The following WRN variants were observed in gnomAD, a reference collection of about 807,000 sequenced individuals.
The protein encoded by WRN is bifunctional 3'-5' exonuclease/ATP-dependent helicase WRN.
In WRN, 149 loss-of-function variants were observed where a neutral mutation model predicts 180.7. That is an observed-to-expected ratio of 0.82 (90% CI 0.72 to 0.94). WRN has a LOEUF of 0.94. Among genes scored for constraint, WRN ranks in the 40% least tolerant of loss-of-function variants. WRN has a pLI of 0.00. For synonymous variants in WRN, 548 were observed against 568.9 expected, an observed-to-expected ratio of 0.96 and a Z score of 0.52; for missense variants, 1,661 against 1,700.1, an observed-to-expected ratio of 0.98 and a Z score of 0.40.
intron 1 of WRN, among the ~76,000 whole-genome samples, chr8:31,056,434 C>T (rs1329897096): frequency 6.6e-6 from 1 of 152,102 alleles, no homozygotes; most frequent in Non-Finnish European, 1.5e-5. Flanking sequence ...AAATGCTTTA[C>T]AATTAATAAA....
intron 5 of WRN, among the ~76,000 whole-genome samples, chr8:31,066,240 C>T (rs1812696217): frequency 6.6e-6 from 1 of 151,436 alleles, no homozygotes; most frequent in Admixed American, 6.6e-5. Context: ...GGCTGGAGTG[C>T]AGTGGTGCAA....
rs377655975 is a variant in WRN, at chr8:31,100,827, A to G, written c.1982-22A>G. ...CCTTTCGAGCTTTATCTTTTCCTTT[A>G]TGTGTTTTTCTTTTTTTACAGGTAT... On this transcript the variant is annotated intron_variant, in intron 17 of 34. Coordinates refer to ENST00000298139, the MANE Select transcript of WRN (RefSeq NM_000553.6). 43 of 1,473,832 alleles carry G rather than the reference A, an allele frequency of 2.9e-5. 1 individual carries two copies. In the South Asian group the frequency reaches 4.6e-4, roughly 16 times the overall value. 91.3% of individuals were successfully genotyped at this position (1,473,832 alleles called of 1,614,324 possible).
chr8:31,114,976 G>C (rs546434033), intron 19 of WRN, among the ~76,000 whole-genome samples: 1 of 149,804 alleles, frequency 6.7e-6, no homozygotes, highest in Non-Finnish European at 1.5e-5. Context: ...GCTCGTTGCA[G>C]CCTCTGCCTC....
intron 16 of WRN, 94 bp from the exon 17 acceptor site, chr8:31,096,674 G>T: frequency 9.8e-7 from 1 of 1,021,952 alleles, no homozygotes; most frequent in Non-Finnish European, 1.4e-6. Context: ...TTGATTTTAA[G>T]TTGTAATTCC....
At chr8:31,166,872 C>G (rs901945722) in intron 33 of WRN, 150 bp from the exon 34 acceptor site, 1 of 720,568 alleles carries the variant, frequency 1.4e-6, no homozygotes, top group Non-Finnish European at 2.2e-6. Flanking sequence ...ATTTCCATTC[C>G]GTAAGGCTAT....
chr8:31,144,189 T>C lies in WRN; in HGVS notation c.3383+566T>C, dbSNP rs182787720. Among the ~76,000 whole-genome samples, 9 of 152,290 alleles carry C rather than the reference T, an allele frequency of 5.9e-5. No individual in the cohort carries two copies. In the East Asian group the frequency reaches 1.5e-3, roughly 26 times the overall value. The stretch of plus-strand genomic sequence containing the variant: ...ATATTAGCCCCATTTTCCAATAGCA[T>C]GTTCTGTTGTCATGTCTTTGTGTTA... On this transcript the variant is annotated intron_variant, in intron 28 of 34. Transcript: ENST00000298139.
intron 34 of WRN, chr8:31,171,531 AT>A (rs1804102698): frequency 6.6e-6 from 1 of 152,280 alleles, no homozygotes; most frequent in African/African-American, 2.4e-5. Context: ...CTTACAGTGT[AT>A]ATAAGTCTCA....
chr8:31,142,571 G>T, intron 26 of WRN, 55 bp from the exon 27 acceptor site: 1 of 1,327,850 alleles, frequency 7.5e-7, no homozygotes, highest in South Asian at 1.3e-5. Flanking sequence ...CATGATTCAT[G>T]AATTAGATAC....
chr8:31,048,025 T>C (rs1011805081), intron 1 of WRN, among the ~76,000 whole-genome samples: 1 of 152,226 alleles, frequency 6.6e-6, no homozygotes, highest in Non-Finnish European at 1.5e-5. Flanking sequence ...TTATTGTGTT[T>C]ATTTGTTTGA....
At chr8:31,111,860 TATGTA>T in intron 19 of WRN, 61 bp downstream of exon 19, 2 of 1,544,204 alleles carry the variant, frequency 1.3e-6, no homozygotes, top group Non-Finnish European at 1.8e-6. Flanking sequence ...TTTAACAACT[TATGTA>T]TTTTATGTTA....
In WRN at chr8:31,175,318, C is replaced by T. The variant is rs1416363009; in HGVS notation, c.*2216C>T. Among the ~76,000 whole-genome samples, 1 of 152,038 alleles carries T rather than the reference C, an allele frequency of 6.6e-6. No individual in the cohort carries two copies. Among genetic ancestry groups the T allele is most frequent in the Non-Finnish European group, 1.5e-5 (1 of 68,016 alleles). Reference sequence around the variant, plus strand: ...GGTGTGTTGGTGCGTGCCTATAATCCCAGCTACTCGGGAGGCTGAGGCAGG... The same window carrying T: ...GGTGTGTTGGTGCGTGCCTATAATCTCAGCTACTCGGGAGGCTGAGGCAGG... On this transcript the variant is annotated 3_prime_UTR_variant, in exon 35 of 35. Transcript: ENST00000298139.
At chr8:31,132,301 C>T in intron 23 of WRN, 64 bp from the exon 24 acceptor site, 1 of 1,564,730 alleles carries the variant, frequency 6.4e-7, no homozygotes, top group Non-Finnish European at 8.7e-7. Context: ...TATGCTAAAT[C>T]TTTTGATTTC....
chr8:31,109,060 A>G (rs947625597), intron 18 of WRN, among the ~76,000 whole-genome samples: 3 of 152,320 alleles, frequency 2.0e-5, no homozygotes, highest in African/African-American at 7.2e-5. Flanking sequence ...CAGCATCCCA[A>G]GTTCCTCAAT....
At position 31,052,114 on chromosome 8, in the gene WRN, C is replaced by T. The variant is rs141592202; in HGVS notation, c.-76-6258C>T. Among the ~76,000 whole-genome samples, 810 of 152,104 alleles carry T rather than the reference C, an allele frequency of 5.3e-3. 5 individuals are homozygous for T. The highest frequency in any genetic ancestry group is 7.8e-3 in the Non-Finnish European group (532 of 67,992). On this transcript the variant is annotated intron_variant, in intron 1 of 34. Coordinates refer to ENST00000298139, the MANE Select transcript of WRN (RefSeq NM_000553.6). The stretch of plus-strand genomic sequence containing the variant: ...AGGCCTAGAATAGTTACTGTCTAAC[C>T]CTTTAGAGAAAAAAATTGCTGGCCC...
intron 19 of WRN, among the ~76,000 whole-genome samples, chr8:31,115,442 A>C (rs185783261): frequency 1.4e-4 from 21 of 152,160 alleles, no homozygotes; most frequent in Non-Finnish European, 2.5e-4. Flanking sequence ...TGTTTGCTTA[A>C]TATTTCTTAG....
chr8:31,149,929 G>A (rs1803049619), intron 30 of WRN, among the ~76,000 whole-genome samples: 1 of 152,200 alleles, frequency 6.6e-6, no homozygotes, highest in African/African-American at 2.4e-5. Flanking sequence ...TAAACACTTT[G>A]TAGAAGAAAA....
chr8:31,120,840 A>G (rs113067522), intron 21 of WRN, among the ~76,000 whole-genome samples: 3 of 151,938 alleles, frequency 2.0e-5, no homozygotes, highest in Admixed American at 6.6e-5. Context: ...CTTTCTTCCC[A>G]TGCTACAGTG....
chr8:31,084,400 GTAAAATAACTTTTTTT>G (rs1813443404), intron 10 of WRN, among the ~76,000 whole-genome samples: 1 of 152,096 alleles, frequency 6.6e-6, no homozygotes, highest in African/African-American at 2.4e-5. Context: ...TAAATAAGAA[GTAAAATAACTTTTTTT>G]TAAAAAAAGA....
intron 7 of WRN, among the ~76,000 whole-genome samples, chr8:31,072,686 G>A (rs1355154070): frequency 6.6e-6 from 1 of 152,196 alleles, no homozygotes; most frequent in Non-Finnish European, 1.5e-5. Context: ...GAAGGCATGT[G>A]TAAACAACTG....
Sources: gnomAD v4.1 joint callset for allele counts (sites outside exome capture counted in the v4.1 genomes callset) on GRCh38, gnomAD v4.1.1 for gene constraint, MANE v1.5 for transcripts, NCBI Gene and HGNC (gene_info 2026-07-23, HGNC 2026-07-21) for gene names.